Variants in COBL observed in about 807,000 individuals in gnomAD.
COBL encodes protein cordon-bleu.
A neutral mutation model predicts 98.8 loss-of-function variants in COBL; 51 were observed. The ratio of observed to expected loss-of-function variants is 0.52; its 90% confidence interval spans 0.41 to 0.65. COBL has a LOEUF of 0.65. Among genes scored for constraint, COBL ranks in the 30% least tolerant of loss-of-function variants. The pLI, the probability that COBL is intolerant of heterozygous loss-of-function variation, is 0.00. For synonymous variants in COBL, 634 were observed against 651.7 expected (o/e 0.97, Z 0.41); for missense variants, 1,617 against 1,617.5 (o/e 1.00, Z 0.01).
rs1176991003 is a variant in COBL at position 51,018,933 on chromosome 7, T to A, written c.3769-1365A>T. Among the ~76,000 whole-genome samples the A allele has an allele frequency of 3.6e-3, 246 of 67,508 alleles. 23 individuals carry two copies. The highest frequency in any genetic ancestry group is 8.0e-3 in the African/African-American group (186 of 23,182). 44.3% of individuals were successfully genotyped at this position (67,508 alleles called of 152,430 possible). The stretch of plus-strand genomic sequence containing the variant: ...ATATATATATATATATATATATATA[T>A]ATATATATATATATATATATGATTT... On this transcript the variant is annotated intron_variant, in intron 12 of 12. Coordinates refer to ENST00000265136, the MANE Select transcript of COBL (RefSeq NM_015198.5).
Position 51,021,748 on chromosome 7 carries a change from A to G in COBL, c.3768+3361T>C, listed in dbSNP as rs144156632. On this transcript the variant is annotated intron_variant, in intron 12 of 12. Transcript: ENST00000265136. Reference sequence around the variant, plus strand: ...AGTGTATTTGCTATGAAGACAATATAACCTCCAGGATCCATGCATAGCAGA... The same window carrying G: ...AGTGTATTTGCTATGAAGACAATATGACCTCCAGGATCCATGCATAGCAGA... 2.1e-4 allele frequency among the ~76,000 whole-genome samples: 32 copies of G among 152,356 alleles called. No individual in the cohort carries two copies. In the East Asian group the frequency reaches 6.2e-3, roughly 29 times the overall value.
chr7:51,179,636 GCT>G (rs1788741038), intron 5 of COBL, among the ~76,000 whole-genome samples: 1 of 152,030 alleles, frequency 6.6e-6, no homozygotes, highest in African/African-American at 2.4e-5. Context: ...TTATTCTGAT[GCT>G]CTCTTTTCCT....
intron 6 of COBL, among the ~76,000 whole-genome samples, chr7:51,087,317 T>A (rs539478850): frequency 1.3e-5 from 2 of 152,342 alleles, no homozygotes; most frequent in African/African-American, 4.8e-5. Flanking sequence ...CCTCCTGAGA[T>A]GTATAATGTA....
intron 5 of COBL, among the ~76,000 whole-genome samples, chr7:51,162,978 CGCTAA>C (rs1427410177): frequency 6.6e-6 from 1 of 152,188 alleles, no homozygotes; most frequent in South Asian, 2.1e-4. Context: ...CTAAGCTAAG[CGCTAA>C]GCTAAGGAAG....
chr7:51,136,051 G>A (rs1024173348), intron 6 of COBL, 107 bp downstream of exon 6: 60 of 1,384,474 alleles, frequency 4.3e-5, no homozygotes, highest in Non-Finnish European at 5.5e-5. Flanking sequence ...CACTCCAGTC[G>A]CTACAGCCAC....
intron 6 of COBL, among the ~76,000 whole-genome samples, chr7:51,106,362 G>A (rs1048046467): frequency 2.6e-5 from 4 of 152,176 alleles, no homozygotes; most frequent in African/African-American, 7.2e-5. Flanking sequence ...ATAAAGCAGT[G>A]CCGACCCCTG....
chr7:51,291,378 A>C (rs1382570592), intron 1 of COBL, among the ~76,000 whole-genome samples: 1 of 152,218 alleles, frequency 6.6e-6, no homozygotes. Flanking sequence ...CCTTGAACAC[A>C]ATCTGGGAAA....
At chr7:51,042,672 T>C (rs1306748603) in intron 8 of COBL, among the ~76,000 whole-genome samples, 2 of 152,234 alleles carry the variant, frequency 1.3e-5, no homozygotes, top group African/African-American at 2.4e-5. Context: ...AAACGTGGCA[T>C]GTTTTTTAAA....
intron 6 of COBL, among the ~76,000 whole-genome samples, chr7:51,096,006 G>A (rs1223886036): frequency 2.0e-5 from 3 of 152,020 alleles, no homozygotes; most frequent in Non-Finnish European, 2.9e-5. Context: ...AGTAATAGAG[G>A]ACTTGAACAA....
At chr7:51,122,913 A>C (rs1390638135) in intron 6 of COBL, among the ~76,000 whole-genome samples, 4 of 151,614 alleles carry the variant, frequency 2.6e-5, no homozygotes, top group Admixed American at 1.3e-4. Flanking sequence ...CAGGAGGAGG[A>C]GGCTGCAGTA....
intron 7 of COBL, chr7:51,073,464 C>T: frequency 1.7e-6 from 1 of 594,244 alleles, no homozygotes. Context: ...ATTCATTTTC[C>T]AGCCCCTGGA....
chr7:51,047,364 G>A (rs555935775), intron 7 of COBL, among the ~76,000 whole-genome samples: 1 of 152,234 alleles, frequency 6.6e-6, no homozygotes, highest in Non-Finnish European at 1.5e-5. Flanking sequence ...ATCTCTGAAT[G>A]AGCTTTGGTA....
At chr7:51,292,763 G>A (rs536459442) in intron 1 of COBL, among the ~76,000 whole-genome samples, 6 of 152,296 alleles carry the variant, frequency 3.9e-5, no homozygotes, top group South Asian at 2.1e-4. Context: ...TCCAAGGCCC[G>A]TGGCTTGCCC....
intron 5 of COBL, among the ~76,000 whole-genome samples, chr7:51,144,239 T>C (rs976771388): frequency 6.6e-6 from 1 of 152,186 alleles, no homozygotes; most frequent in Non-Finnish European, 1.5e-5. Context: ...GTATTTTACA[T>C]ATATGAACCC....
At chr7:51,212,802 C>A (rs1236709229) in intron 2 of COBL, among the ~76,000 whole-genome samples, 1 of 152,188 alleles carries the variant, frequency 6.6e-6, no homozygotes, top group Non-Finnish European at 1.5e-5. Flanking sequence ...GATTGCTGGG[C>A]TCCTCCCCAG....
At chr7:51,260,734 G>A (rs1232482877) in intron 1 of COBL, among the ~76,000 whole-genome samples, 1 of 152,208 alleles carries the variant, frequency 6.6e-6, no homozygotes, top group African/African-American at 2.4e-5. Flanking sequence ...TGGGATCGCA[G>A]GTAAGCTGCA....
At chr7:51,092,283 T>TG (rs780388459) in intron 6 of COBL, among the ~76,000 whole-genome samples, 60 of 152,242 alleles carry the variant, frequency 3.9e-4, no homozygotes, top group Non-Finnish European at 7.9e-4. Context: ...CCACAAAGGG[T>TG]GGGGACTACT....
intron 1 of COBL, among the ~76,000 whole-genome samples, chr7:51,291,040 G>A (rs1377853765): frequency 6.6e-6 from 1 of 152,180 alleles, no homozygotes; most frequent in Non-Finnish European, 1.5e-5. Context: ...AACCCTTGGG[G>A]TATGACTGAA....
At chr7:51,104,405 C>T (rs1351961561) in intron 6 of COBL, among the ~76,000 whole-genome samples, 1 of 152,184 alleles carries the variant, frequency 6.6e-6, no homozygotes, top group Admixed American at 6.5e-5. Flanking sequence ...CCCACTCACA[C>T]CCTGGAGCCA....
Sources: gnomAD v4.1 joint callset for allele counts (sites outside exome capture counted in the v4.1 genomes callset) on GRCh38, gnomAD v4.1.1 for gene constraint, MANE v1.5 for transcripts, NCBI Gene and HGNC (gene_info 2026-07-23, HGNC 2026-07-21) for gene names.